Variants in CTNNA1 observed in about 807,000 individuals in gnomAD.
The protein encoded by CTNNA1 is catenin alpha 1, also known as catenin alpha-1.
Under a neutral mutation model 98.4 loss-of-function variants are expected in CTNNA1, and 37 were observed. The observed-to-expected ratio is 0.38, with a 90% CI of 0.29 to 0.49. CTNNA1 has a LOEUF of 0.49. Ranked by LOEUF, CTNNA1 falls within the 20% of genes least tolerant of loss-of-function variation. CTNNA1 has a pLI of 0.95. For missense variants in CTNNA1, 761 were observed against 1,147.2 expected (o/e 0.66, Z 4.86); for synonymous variants, 404 against 413.2 (o/e 0.98, Z 0.27).
chr5:138,885,678 C>G (rs187074202), intron 7 of CTNNA1, among the ~76,000 whole-genome samples: 113 of 152,152 alleles, frequency 7.4e-4, no homozygotes, highest in African/African-American at 2.6e-3. Context: ...CAAAGTAATC[C>G]TACAAAGCAT....
At chr5:138,805,218 A>G (rs1004928234) in intron 3 of CTNNA1, among the ~76,000 whole-genome samples, 2 of 152,184 alleles carry the variant, frequency 1.3e-5, no homozygotes, top group African/African-American at 2.4e-5. Context: ...CACCTCCAAC[A>G]TTGAGAATTA....
chr5:138,827,157 A>G (rs964853805), intron 6 of CTNNA1, among the ~76,000 whole-genome samples: 2 of 152,212 alleles, frequency 1.3e-5, no homozygotes, highest in African/African-American at 2.4e-5. Flanking sequence ...TGCAAGTAAG[A>G]GGTAACTTTT....
chr5:138,920,608 T>G (rs10056216), intron 11 of CTNNA1, among the ~76,000 whole-genome samples: 3,485 of 152,332 alleles, frequency 0.023, 136 homozygotes, highest in African/African-American at 0.081. Context: ...TTGGAGTGGT[T>G]GTTTTCTACT....
At chr5:138,852,011 A>C (rs1383912789) in intron 7 of CTNNA1, among the ~76,000 whole-genome samples, 4 of 152,182 alleles carry the variant, frequency 2.6e-5, no homozygotes, top group African/African-American at 9.7e-5. Flanking sequence ...TGGAGGTTGC[A>C]GTGAGCCGAG....
chr5:138,845,319 C>G (rs913169350), intron 7 of CTNNA1, among the ~76,000 whole-genome samples: 1 of 152,174 alleles, frequency 6.6e-6, no homozygotes, highest in African/African-American at 2.4e-5. Flanking sequence ...AGTCTACTTT[C>G]TTTGGCAGCT....
intron 16 of CTNNA1, chr5:138,932,047 T>G (rs2150344824): frequency 1.0e-6 from 1 of 985,620 alleles, no homozygotes; most frequent in African/African-American, 1.7e-5. Context: ...TTTTTCTTGC[T>G]TTACTTTACT....
intron 7 of CTNNA1, chr5:138,880,798 G>A (rs1298640482): frequency 3.2e-6 from 1 of 314,582 alleles, no homozygotes; most frequent in Non-Finnish European, 6.3e-6. Flanking sequence ...TGACCCAGTT[G>A]TCTAAATTTA....
intron 7 of CTNNA1, among the ~76,000 whole-genome samples, chr5:138,829,639 G>GA (rs1427252432): frequency 6.6e-6 from 1 of 152,180 alleles, no homozygotes; most frequent in African/African-American, 2.4e-5. Flanking sequence ...ATCAGTGTAA[G>GA]AAAAGGTGGG....
At chr5:138,792,952 CTTG>C (rs1295872793) in intron 3 of CTNNA1, among the ~76,000 whole-genome samples, 6 of 152,048 alleles carry the variant, frequency 3.9e-5, no homozygotes, top group South Asian at 4.2e-4. Context: ...ACCTTTTCCC[CTTG>C]TTGTCTTAGA....
At chr5:138,801,559 C>T (rs552718425) in intron 3 of CTNNA1, among the ~76,000 whole-genome samples, 41 of 152,258 alleles carry the variant, frequency 2.7e-4, no homozygotes, top group East Asian at 3.9e-4. Context: ...GTACAAACTT[C>T]GCTGCTAGCT....
chr5:138,912,068 C>G (rs1265975763), intron 10 of CTNNA1, among the ~76,000 whole-genome samples: 1 of 152,114 alleles, frequency 6.6e-6, no homozygotes, highest in Non-Finnish European at 1.5e-5. Flanking sequence ...GGGCAGAGGT[C>G]TGAACAGGAT....
At chr5:138,844,832 G>T (rs1762572515) in intron 7 of CTNNA1, among the ~76,000 whole-genome samples, 1 of 152,122 alleles carries the variant, frequency 6.6e-6, no homozygotes, top group Non-Finnish European at 1.5e-5. Context: ...TCTGGGGAGT[G>T]GGCTAAGGTT....
intron 1 of CTNNA1, among the ~76,000 whole-genome samples, chr5:138,760,098 G>A (rs568764625): frequency 2.1e-4 from 30 of 140,964 alleles, no homozygotes; most frequent in Admixed American, 7.5e-4. Context: ...GGGTTCAAGC[G>A]ATTCTCCTGC....
At position 138,934,655 on chromosome 5, in the gene CTNNA1, G is replaced by A. The variant is rs1766160410; in HGVS notation, c.*566G>A. 1 of 153,330 alleles carries A rather than the reference G, an allele frequency of 6.5e-6. No homozygotes were observed. Among genetic ancestry groups the A allele is most frequent in the African/African-American group, 2.4e-5 (1 of 41,442 alleles). The allele number at this position is 153,330 out of a possible 1,614,324, so 9.5% of individuals were successfully genotyped here. On this transcript the variant is annotated 3_prime_UTR_variant, in exon 18 of 18. Coordinates refer to ENST00000302763, the MANE Select transcript of CTNNA1 (RefSeq NM_001903.5). ...CATGAAATGAAAATTTTAATGCATT[G>A]TTATAATTACTAATGTACGCTGCTG... is the stretch of plus-strand genomic sequence containing the variant.
chr5:138,789,239 G>A (rs1756077710), intron 3 of CTNNA1, among the ~76,000 whole-genome samples: 1 of 151,832 alleles, frequency 6.6e-6, no homozygotes, highest in South Asian at 2.1e-4. Flanking sequence ...ATAATTAATA[G>A]CATGAGTGGC....
chr5:138,915,600 CG>C (rs1464900562), intron 10 of CTNNA1, among the ~76,000 whole-genome samples: 1 of 152,184 alleles, frequency 6.6e-6, no homozygotes, highest in Non-Finnish European at 1.5e-5. Flanking sequence ...AACACAGAAA[CG>C]TGTATGAGCG....
At chr5:138,932,383 A>G in intron 16 of CTNNA1, 195 bp from the exon 17 acceptor site, 1 of 1,412,426 alleles carries the variant, frequency 7.1e-7, no homozygotes, top group Non-Finnish European at 9.2e-7. Flanking sequence ...GACGACTTCC[A>G]TCAGCTCACC....
At chr5:138,899,073 C>T (rs1757494635) in intron 9 of CTNNA1, among the ~76,000 whole-genome samples, 1 of 152,246 alleles carries the variant, frequency 6.6e-6, no homozygotes, top group Middle Eastern at 3.4e-3. Flanking sequence ...CTTATCTGTA[C>T]TCTTCTGTTA....
intron 7 of CTNNA1, among the ~76,000 whole-genome samples, chr5:138,830,487 C>T (rs949034708): frequency 6.6e-6 from 1 of 152,176 alleles, no homozygotes; most frequent in African/African-American, 2.4e-5. Flanking sequence ...ATTCACGTAA[C>T]AGTGAACAGG....
Sources: allele counts gnomAD v4.1 joint callset (sites outside exome capture counted in the v4.1 genomes callset), GRCh38; gene constraint gnomAD v4.1.1; transcripts MANE v1.5; gene names NCBI Gene and HGNC (gene_info 2026-07-23, HGNC 2026-07-21).